CLVS1: variants seen among roughly 807,000 people sequenced by gnomAD.
CLVS1 encodes the protein clavesin-1.
CLVS1 carries 10 observed loss-of-function variants against 33.1 expected under a neutral mutation model. The ratio of observed to expected loss-of-function variants is 0.30; its 90% CI spans 0.19 to 0.51. The LOEUF (loss-of-function observed/expected upper bound fraction) is 0.51, where lower values mean the gene tolerates loss of function less well. CLVS1 is among the 20% of genes least tolerant of loss of function. The pLI is 0.97. For missense variants in CLVS1, 343 were observed against 433.4 expected (o/e 0.79, Z 1.85); for synonymous variants, 163 against 166.1 (o/e 0.98, Z 0.14).
At chr8:61,475,374 A>G (rs1042096926) in intron 5 of CLVS1, among the ~76,000 whole-genome samples, 69 of 152,334 alleles carry the variant, frequency 4.5e-4, no homozygotes, top group African/African-American at 1.6e-3. Flanking sequence ...TCGCCACACC[A>G]GCTTCCACAA....
chr8:61,387,050 G>A (rs553108752), intron 3 of CLVS1, among the ~76,000 whole-genome samples: 8 of 152,266 alleles, frequency 5.3e-5, no homozygotes, highest in African/African-American at 1.9e-4. Flanking sequence ...TAAATAAGTG[G>A]TAACATATAG....
rs114204722 is a variant in CLVS1, at chr8:61,436,766, C to T, written c.631-17375C>T. ...AACTTAAGGCATTACATATCATCTACAAGCTGACAACTCCTGTAGGGGTGC... is the reference window on the plus strand; with the variant it reads ...AACTTAAGGCATTACATATCATCTATAAGCTGACAACTCCTGTAGGGGTGC... On this transcript the variant is annotated intron_variant, in intron 3 of 5. Transcript: ENST00000325897. Among the ~76,000 whole-genome samples the T allele has an allele frequency of 2.6e-3, 390 of 152,304 alleles. 2 individuals are homozygous for T. Among genetic ancestry groups the T allele is most frequent in the African/African-American group, 8.9e-3 (371 of 41,550 alleles).
rs978492744 is a variant in CLVS1, at chr8:61,227,751, G to C, written c.-151-71926G>C. On this transcript the variant is annotated intron_variant, in intron 2 of 2. Coordinates refer to the CLVS1 transcript ENST00000522621. ...GGAGATACTTTATATTGGAATAATTGATACCCAAAAGTTAAGTTTTTACAG... is the reference window on the plus strand; with the variant it reads ...GGAGATACTTTATATTGGAATAATTCATACCCAAAAGTTAAGTTTTTACAG... 9.2e-5 allele frequency among the ~76,000 whole-genome samples: 14 copies of C among 152,306 alleles called. No individual in the cohort carries two copies. The South Asian group carries it at 2.7e-3, about 29-fold the overall frequency.
At chr8:61,309,875 C>T (rs1020944369) in intron 2 of CLVS1, among the ~76,000 whole-genome samples, 1 of 152,206 alleles carries the variant, frequency 6.6e-6, no homozygotes, top group Non-Finnish European at 1.5e-5. Flanking sequence ...TATAAATAAG[C>T]CCACTGATTG....
chr8:61,333,775 G>A (rs1725924765), intron 2 of CLVS1, among the ~76,000 whole-genome samples: 2 of 152,088 alleles, frequency 1.3e-5, no homozygotes, highest in South Asian at 4.1e-4. Context: ...TTGTGTCATG[G>A]GGGTGTCAGG....
At chr8:61,274,783 GCTA>G (rs1318286211) in intron 2 of CLVS1, among the ~76,000 whole-genome samples, 1 of 152,132 alleles carries the variant, frequency 6.6e-6, no homozygotes, top group African/African-American at 2.4e-5. Context: ...GAAATTTGGT[GCTA>G]CTTTCTTAAA....
intron 5 of CLVS1, among the ~76,000 whole-genome samples, chr8:61,490,774 C>G (rs1804047399): frequency 6.6e-6 from 1 of 151,548 alleles, no homozygotes; most frequent in Non-Finnish European, 1.5e-5. Flanking sequence ...GCCTGGCCAA[C>G]ATGGTGAAAC....
At position 61,252,706 on chromosome 8, in the gene CLVS1, T is replaced by G. The variant is rs1808977001; in HGVS notation, c.-151-46971T>G. 2.0e-5 allele frequency among the ~76,000 whole-genome samples: 3 copies of G among 152,362 alleles called. No individual in the cohort carries two copies. In the South Asian group the frequency reaches 6.2e-4, roughly 32 times the overall value. ...TTGTCTCCTTTGATCTTTGTTGATT[T>G]AAAGCCTGTTTTATCAGAGATTACA... On this transcript the variant is annotated intron_variant, in intron 2 of 2. Coordinates refer to the CLVS1 transcript ENST00000522621.
chr8:61,034,169 G>A, the CLVS1 span, among the ~76,000 whole-genome samples: 2 of 152,204 alleles, frequency 1.3e-5, no homozygotes, highest in African/African-American at 4.8e-5. Context: ...GGATGTGACT[G>A]TCAACACTTG....
At position 61,121,735 on chromosome 8, in the gene CLVS1, A is replaced by G. The variant is rs548053723; in HGVS notation, c.-242-10035A>G. ...AAAGCAAAGTATACACAAAAACAGC[A>G]GGACAGTTCATAACAGAAACACACC... On this transcript the variant is annotated intron_variant, in intron 1 of 2. Coordinates refer to the CLVS1 transcript ENST00000522621. Among the ~76,000 whole-genome samples, 29 of 152,362 alleles carry G rather than the reference A, an allele frequency of 1.9e-4. No individual in the cohort carries two copies. The South Asian group carries it at 5.8e-3, about 30-fold the overall frequency.
intron 2 of CLVS1, among the ~76,000 whole-genome samples, chr8:61,362,871 G>T (rs1193160250): frequency 6.6e-6 from 1 of 152,160 alleles, no homozygotes; most frequent in Admixed American, 6.5e-5. Context: ...TTGCCTCAGG[G>T]TTCAAAGAAT....
chr8:61,016,140 A>G, the CLVS1 span, among the ~76,000 whole-genome samples: 1 of 151,616 alleles, frequency 6.6e-6, no homozygotes, highest in Non-Finnish European at 1.5e-5. Flanking sequence ...AATTACCTTC[A>G]GGCTATGTGT....
intron 2 of CLVS1, among the ~76,000 whole-genome samples, chr8:61,211,849 A>G (rs1393392378): frequency 1.3e-5 from 2 of 152,200 alleles, no homozygotes; most frequent in African/African-American, 4.8e-5. Flanking sequence ...GTCAGAGAAA[A>G]GAGCTTTGAA....
At chr8:61,401,899 CT>C (rs1395276805) in intron 3 of CLVS1, among the ~76,000 whole-genome samples, 2 of 152,114 alleles carry the variant, frequency 1.3e-5, no homozygotes, top group Non-Finnish European at 2.9e-5. Context: ...TTAAGCTCCC[CT>C]CTTATGTATT....
chr8:61,440,073 T>A (rs1449253313), intron 3 of CLVS1, among the ~76,000 whole-genome samples: 1 of 152,226 alleles, frequency 6.6e-6, no homozygotes, highest in Non-Finnish European at 1.5e-5. Flanking sequence ...AAACTCTGCA[T>A]CTTCTCTTTC....
At chr8:61,102,743 A>G (rs904046776) in intron 1 of CLVS1, among the ~76,000 whole-genome samples, 26 of 152,316 alleles carry the variant, frequency 1.7e-4, no homozygotes, top group Non-Finnish European at 3.5e-4. Flanking sequence ...GCCAGGCCAT[A>G]AGGGGCAAAA....
intron 3 of CLVS1, among the ~76,000 whole-genome samples, chr8:61,419,169 C>T (rs1029170490): frequency 1.3e-5 from 2 of 151,962 alleles, no homozygotes; most frequent in Non-Finnish European, 2.9e-5. Flanking sequence ...GAAGCCGAGG[C>T]GAATGGATCA....
In CLVS1 at chr8:61,197,513, G is replaced by GTTGT. The variant is rs368590152; in HGVS notation, c.-152+65672_-152+65675dup. Among the ~76,000 whole-genome samples the GTTGT allele has an allele frequency of 4.1e-3, 618 of 151,648 alleles. 5 individuals are homozygous for GTTGT. Among genetic ancestry groups the GTTGT allele is most frequent in the African/African-American group, 0.013 (547 of 41,402 alleles). ...ATTCCTCCAGTTTGTTGTTGTTGTTGTTGTTTGTTTGTTTGTTTGTTTTTG... is the reference window on the plus strand; with the variant it reads ...ATTCCTCCAGTTTGTTGTTGTTGTTGTTGTTTGTTTGTTTGTTTGTTTGTTTTTG... On this transcript the variant is annotated intron_variant, in intron 2 of 2. Transcript: ENST00000522621.
intron 2 of CLVS1, among the ~76,000 whole-genome samples, chr8:61,149,565 A>C (rs888686087): frequency 6.7e-6 from 1 of 149,580 alleles, no homozygotes; most frequent in Non-Finnish European, 1.5e-5. Flanking sequence ...AAAAAAAAAA[A>C]AAACAAAAAA....
Sources: gnomAD v4.1 joint callset for allele counts (sites outside exome capture counted in the v4.1 genomes callset) on GRCh38, gnomAD v4.1.1 for gene constraint, MANE v1.5 for transcripts, NCBI Gene and HGNC (gene_info 2026-07-23, HGNC 2026-07-21) for gene names.